CLIC4: variants seen among roughly 807,000 people sequenced by gnomAD.
CLIC4 encodes the protein CLIC family member 4, also known as chloride intracellular channel protein 4.
In CLIC4, 13 loss-of-function variants were observed where a neutral mutation model predicts 24.6. The observed-to-expected ratio is 0.53, with a 90% CI of 0.34 to 0.84. The LOEUF (loss-of-function observed/expected upper bound fraction) is 0.84, where lower values mean the gene tolerates loss of function less well. Among genes scored for constraint, CLIC4 ranks in the 40% least tolerant of loss-of-function variants. CLIC4 has a pLI of 0.01. For synonymous variants in CLIC4, 104 were observed against 111.3 expected (o/e 0.93, Z 0.41); for missense variants, 227 against 301.7 (o/e 0.75, Z 1.83).
intron 1 of CLIC4, among the ~76,000 whole-genome samples, chr1:24,745,897 G>A (rs1172963164): frequency 6.6e-6 from 1 of 151,052 alleles, no homozygotes; most frequent in Non-Finnish European, 1.5e-5. Flanking sequence ...TCCCGCGCCC[G>A]GGTGGGTCGG....
At chr1:24,797,374 G>C (rs532042344) in intron 1 of CLIC4, among the ~76,000 whole-genome samples, 1 of 151,730 alleles carries the variant, frequency 6.6e-6, no homozygotes, top group African/African-American at 2.4e-5. Context: ...AGGAGTTCAA[G>C]ACCAACCTGG....
chr1:24,820,265 G>GTT (rs1557812406), intron 3 of CLIC4, among the ~76,000 whole-genome samples: 26 of 49,810 alleles, frequency 5.2e-4, no homozygotes, highest in Non-Finnish European at 7.0e-4. Context: ...TCCCTTTTTG[G>GTT]TCTTTTTTTT....
At chr1:24,798,248 T>A (rs1639426402) in intron 2 of CLIC4, among the ~76,000 whole-genome samples, 1 of 152,176 alleles carries the variant, frequency 6.6e-6, no homozygotes, top group African/African-American at 2.4e-5. Flanking sequence ...AAGACAAGGA[T>A]TTTTAGGAGG....
intron 3 of CLIC4, among the ~76,000 whole-genome samples, chr1:24,820,639 A>G (rs1322260056): frequency 6.6e-6 from 1 of 152,184 alleles, no homozygotes; most frequent in African/African-American, 2.4e-5. Flanking sequence ...CTAACTGAAA[A>G]TGATCTTCCT....
intron 1 of CLIC4, among the ~76,000 whole-genome samples, chr1:24,771,316 A>G (rs1419382285): frequency 6.6e-6 from 1 of 151,264 alleles, no homozygotes; most frequent in African/African-American, 2.4e-5. Flanking sequence ...TAGCAGAACT[A>G]CTCTTTCCTA....
chr1:24,819,935 G>T (rs1639709087), intron 3 of CLIC4, among the ~76,000 whole-genome samples: 1 of 142,792 alleles, frequency 7.0e-6, no homozygotes, highest in African/African-American at 2.6e-5. Context: ...TAGAGACAGG[G>T]TTTTACCATA....
intron 1 of CLIC4, among the ~76,000 whole-genome samples, chr1:24,774,787 A>G (rs942122995): frequency 6.6e-6 from 1 of 152,026 alleles, no homozygotes; most frequent in Non-Finnish European, 1.5e-5. Context: ...TGAAAAAAAA[A>G]GGACCGAGGG....
chr1:24,774,807 A>G (rs1038223686), intron 1 of CLIC4, among the ~76,000 whole-genome samples: 22 of 152,228 alleles, frequency 1.4e-4, no homozygotes, highest in African/African-American at 5.3e-4. Context: ...GCAGTGGCTC[A>G]TGCCTATAAT....
intron 1 of CLIC4, among the ~76,000 whole-genome samples, chr1:24,766,578 A>ACTG (rs1417819787): frequency 1.2e-4 from 15 of 127,712 alleles, no homozygotes; most frequent in Admixed American, 3.0e-4. Flanking sequence ...ATCTCAGCTC[A>ACTG]CTGCAACCTC....
chr1:24,809,190 A>G (rs906363003), intron 2 of CLIC4, among the ~76,000 whole-genome samples: 1 of 152,192 alleles, frequency 6.6e-6, no homozygotes, highest in African/African-American at 2.4e-5. Flanking sequence ...GATAGGAAAT[A>G]TGTCTTATTT....
intron 2 of CLIC4, among the ~76,000 whole-genome samples, chr1:24,798,932 C>T (rs1639438619): frequency 6.6e-6 from 1 of 152,266 alleles, no homozygotes; most frequent in Non-Finnish European, 1.5e-5. Context: ...CAGACGGAGT[C>T]TGGTTCACTC....
rs1638802804 is a variant in CLIC4 at position 24,753,296 on chromosome 1, G to A, written c.72+7671G>A. On this transcript the variant is annotated intron_variant, in intron 1 of 5. Transcript: ENST00000374379. ...TATGACTTAAAGAATGTACCGGCAT[G>A]AACTAAGTGCTAATACTGAGTTAAG... 3.3e-5 allele frequency among the ~76,000 whole-genome samples: 5 copies of A among 152,290 alleles called. No individual in the cohort carries two copies. In the South Asian group the frequency reaches 1.0e-3, roughly 32 times the overall value.
chr1:24,784,228 G>A (rs1476111607), intron 1 of CLIC4, among the ~76,000 whole-genome samples: 1 of 152,036 alleles, frequency 6.6e-6, no homozygotes, highest in Non-Finnish European at 1.5e-5. Flanking sequence ...CCCTAACCCC[G>A]TCCCTTGAGT....
chr1:24,813,149 T>G (rs1360576019), intron 2 of CLIC4, among the ~76,000 whole-genome samples: 3 of 151,728 alleles, frequency 2.0e-5, no homozygotes, highest in East Asian at 3.9e-4. Context: ...ATTCAAGCGA[T>G]TCTCCTGCCT....
chr1:24,761,617 C>G (rs1310499615), intron 1 of CLIC4, among the ~76,000 whole-genome samples: 2 of 152,094 alleles, frequency 1.3e-5, no homozygotes, highest in African/African-American at 4.8e-5. Context: ...TGGCAGTTCT[C>G]AGATGGGTTT....
chr1:24,797,562 G>GAAAA (rs71032862), intron 1 of CLIC4, among the ~76,000 whole-genome samples, 180 bp from the exon 2 acceptor site: 2 of 124,982 alleles, frequency 1.6e-5, no homozygotes, highest in Non-Finnish European at 3.2e-5. Context: ...CTCAAAAAAA[G>GAAAA]AAAAAAAAAA....
intron 1 of CLIC4, among the ~76,000 whole-genome samples, chr1:24,780,039 T>TC (rs2124111449): frequency 6.6e-6 from 1 of 152,182 alleles, no homozygotes; most frequent in South Asian, 2.1e-4. Flanking sequence ...TTACCCCCTT[T>TC]CCCCTCCCAC....
At chr1:24,793,641 G>A (rs529398905) in intron 1 of CLIC4, among the ~76,000 whole-genome samples, 1 of 151,946 alleles carries the variant, frequency 6.6e-6, no homozygotes, top group East Asian at 1.9e-4. Context: ...GTAGTATTAG[G>A]AATTAATATG....
intron 1 of CLIC4, among the ~76,000 whole-genome samples, chr1:24,774,157 G>A (rs1427295379): frequency 1.3e-5 from 2 of 151,468 alleles, no homozygotes; most frequent in South Asian, 4.2e-4. Flanking sequence ...TGTATTTTTA[G>A]TAGAGACGGG....
Sources: allele counts gnomAD v4.1 joint callset (sites outside exome capture counted in the v4.1 genomes callset), GRCh38; gene constraint gnomAD v4.1.1; transcripts MANE v1.5; gene names NCBI Gene and HGNC (gene_info 2026-07-23, HGNC 2026-07-21).